Variants in AGBL4 observed in about 807,000 individuals in gnomAD.
AGBL4 encodes the protein cytosolic carboxypeptidase 6.
A neutral mutation model predicts 66.4 loss-of-function variants in AGBL4; 58 were observed. The observed-to-expected ratio is 0.87, with a 90% CI of 0.71 to 1.09. The LOEUF is 1.09. AGBL4 is among the 50% of genes least tolerant of loss of function. AGBL4 has a pLI of 0.00. For synonymous variants in AGBL4, 234 were observed against 222.9 expected, an observed-to-expected ratio of 1.05 and a Z score of -0.44; for missense variants, 579 against 631.0, an observed-to-expected ratio of 0.92 and a Z score of 0.88.
At chr1:48,758,033 A>G (rs1043155147) in intron 6 of AGBL4, among the ~76,000 whole-genome samples, 1 of 152,182 alleles carries the variant, frequency 6.6e-6, no homozygotes, top group African/African-American at 2.4e-5. Flanking sequence ...CCGGCAGTCA[A>G]AGCTGCTGCC....
chr1:49,774,074 G>T (rs1644135292), intron 2 of AGBL4, among the ~76,000 whole-genome samples: 1 of 152,196 alleles, frequency 6.6e-6, no homozygotes, highest in Non-Finnish European at 1.5e-5. Flanking sequence ...TCAAGATGAT[G>T]CCATGCCATA....
chr1:49,542,001 A>C (rs889691251), intron 3 of AGBL4, among the ~76,000 whole-genome samples: 1 of 152,294 alleles, frequency 6.6e-6, no homozygotes, highest in South Asian at 2.1e-4. Flanking sequence ...AAACACACCA[A>C]TCAGCACCCT....
At chr1:49,022,135 T>C (rs1663296572) in intron 5 of AGBL4, among the ~76,000 whole-genome samples, 1 of 152,230 alleles carries the variant, frequency 6.6e-6, no homozygotes, top group South Asian at 2.1e-4. Context: ...TTATCCACTT[T>C]AATGTAGGAA....
chr1:48,572,413 GAA>G (rs1205606404), intron 11 of AGBL4, among the ~76,000 whole-genome samples: 1 of 151,192 alleles, frequency 6.6e-6, no homozygotes, highest in Admixed American at 6.6e-5. Flanking sequence ...TAAGGCGGAA[GAA>G]AAAGAGAAAA....
intron 4 of AGBL4, among the ~76,000 whole-genome samples, chr1:49,226,204 C>T (rs1649895627): frequency 6.6e-6 from 1 of 152,132 alleles, no homozygotes; most frequent in Non-Finnish European, 1.5e-5. Context: ...TTCACATTTC[C>T]AGCCTTAATG....
intron 3 of AGBL4, among the ~76,000 whole-genome samples, chr1:49,518,895 T>C (rs1650042703): frequency 1.3e-5 from 2 of 152,066 alleles, no homozygotes; most frequent in Non-Finnish European, 2.9e-5. Flanking sequence ...AAGGCACACA[T>C]ATAAAGTATT....
chr1:48,813,224 G>C (rs1298837704), intron 6 of AGBL4, among the ~76,000 whole-genome samples: 1 of 152,296 alleles, frequency 6.6e-6, no homozygotes. Flanking sequence ...TAGTCAGAGG[G>C]AGTGGATTAG....
chr1:49,339,114 T>A (rs1474784153), intron 3 of AGBL4, among the ~76,000 whole-genome samples: 1 of 152,126 alleles, frequency 6.6e-6, no homozygotes, highest in African/African-American at 2.4e-5. Flanking sequence ...GAGACACCCC[T>A]CCAATCCACT....
At chr1:49,842,401 C>A in intron 2 of AGBL4, 1 of 678,410 alleles carries the variant, frequency 1.5e-6, no homozygotes. Context: ...AGATGGGAGC[C>A]CTTCAGGGCT....
At chr1:49,779,724 T>G (rs2147901858) in intron 2 of AGBL4, among the ~76,000 whole-genome samples, 1 of 152,212 alleles carries the variant, frequency 6.6e-6, no homozygotes, top group African/African-American at 2.4e-5. Flanking sequence ...GAATGCAGTT[T>G]TCCCCATGAA....
At chr1:49,152,051 T>A (rs1218360468) in intron 4 of AGBL4, among the ~76,000 whole-genome samples, 1 of 151,950 alleles carries the variant, frequency 6.6e-6, no homozygotes, top group Non-Finnish European at 1.5e-5. Flanking sequence ...CAGCATATAG[T>A]ATGTCAAGTA....
At chr1:49,133,114 C>T (rs777303050) in intron 4 of AGBL4, among the ~76,000 whole-genome samples, 13 of 152,110 alleles carry the variant, frequency 8.5e-5, no homozygotes, top group Non-Finnish European at 1.6e-4. Context: ...TAGAAACCAT[C>T]ATTCTCGGCA....
chr1:49,285,669 T>C (rs986117339), intron 3 of AGBL4, among the ~76,000 whole-genome samples: 6 of 151,802 alleles, frequency 4.0e-5, no homozygotes, highest in African/African-American at 1.2e-4. Context: ...AATAGAACAA[T>C]AAAAAATGAT....
intron 2 of AGBL4, among the ~76,000 whole-genome samples, chr1:49,762,889 T>A (rs1195370882): frequency 6.6e-6 from 1 of 152,180 alleles, no homozygotes; most frequent in East Asian, 1.9e-4. Flanking sequence ...TTAGATATAA[T>A]CCCCATTTGT....
intron 1 of AGBL4, among the ~76,000 whole-genome samples, chr1:49,875,023 T>C (rs1290606683): frequency 7.3e-6 from 1 of 137,928 alleles, no homozygotes; most frequent in Admixed American, 7.9e-5. Context: ...CCCCTTCCTG[T>C]GTCCATGTAT....
Position 49,616,734 on chromosome 1 carries a change from T to C in AGBL4, c.282+80579A>G, listed in dbSNP as rs915313076. 3.3e-5 allele frequency among the ~76,000 whole-genome samples: 5 copies of C among 152,246 alleles called. No individual in the cohort carries two copies. The East Asian group carries it at 9.7e-4, about 29-fold the overall frequency. On this transcript the variant is annotated intron_variant, in intron 3 of 13. Coordinates refer to ENST00000371839, the MANE Select transcript of AGBL4 (RefSeq NM_032785.4). ...TCTCAAACTTGCTTCTTATGAGTCTTTCCTATTTCATTAGCAGCAATTTCA... is the reference window on the plus strand; with the variant it reads ...TCTCAAACTTGCTTCTTATGAGTCTCTCCTATTTCATTAGCAGCAATTTCA...
intron 4 of AGBL4, among the ~76,000 whole-genome samples, chr1:49,082,829 C>T (rs1644831544): frequency 6.6e-6 from 1 of 152,164 alleles, no homozygotes; most frequent in African/African-American, 2.4e-5. Flanking sequence ...TCCCTTCCAC[C>T]TATGAGCCTG....
chr1:49,030,826 A>AAG (rs1664156769), intron 5 of AGBL4, among the ~76,000 whole-genome samples: 1 of 151,362 alleles, frequency 6.6e-6, no homozygotes, highest in African/African-American at 2.4e-5. Flanking sequence ...GAGGCAAAAA[A>AAG]AAAAAAAAAA....
intron 6 of AGBL4, among the ~76,000 whole-genome samples, chr1:48,677,946 G>T (rs958737971): frequency 2.0e-5 from 3 of 152,206 alleles, no homozygotes; most frequent in Non-Finnish European, 4.4e-5. Context: ...GAGGGATGCA[G>T]AATGGGAACT....
Sources: allele counts gnomAD v4.1 joint callset (sites outside exome capture counted in the v4.1 genomes callset), GRCh38; gene constraint gnomAD v4.1.1; transcripts MANE v1.5; gene names NCBI Gene and HGNC (gene_info 2026-07-23, HGNC 2026-07-21).